PTPRD: variants seen among roughly 807,000 people sequenced by gnomAD.
The protein encoded by PTPRD is protein tyrosine phosphatase receptor type D, also known as receptor-type tyrosine-protein phosphatase delta.
Under a neutral mutation model 214.5 loss-of-function variants are expected in PTPRD, and 34 were observed. The ratio of observed to expected loss-of-function variants is 0.16; its 90% confidence interval spans 0.12 to 0.21. The LOEUF (loss-of-function observed/expected upper bound fraction) is 0.21. Among genes scored for constraint, PTPRD ranks in the 10% least tolerant of loss-of-function variants. The pLI is 1.00. For missense variants in PTPRD, 2,545 were observed against 2,398.7 expected, an observed-to-expected ratio of 1.06 and a Z score of -1.27; for synonymous variants, 1,128 against 845.7, an observed-to-expected ratio of 1.33 and a Z score of -5.79.
chr9:10,316,176 C>CATATATAT (rs1565242638), intron 3 of PTPRD, among the ~76,000 whole-genome samples: 1 of 143,058 alleles, frequency 7.0e-6, no homozygotes, highest in Admixed American at 7.1e-5. Context: ...TGTATATATA[C>CATATATAT]ATAGATATAC....
chr9:9,839,056 T>C (rs1310009155), intron 5 of PTPRD, among the ~76,000 whole-genome samples: 2 of 152,176 alleles, frequency 1.3e-5, no homozygotes, highest in Non-Finnish European at 2.9e-5. Flanking sequence ...TTGTCAGGTT[T>C]GTCAAAGATC....
At chr9:8,343,304 C>T (rs1854309112) in intron 39 of PTPRD, among the ~76,000 whole-genome samples, 1 of 152,006 alleles carries the variant, frequency 6.6e-6, no homozygotes, top group South Asian at 2.1e-4. Flanking sequence ...TTTTTATGTC[C>T]TATGCCAGAG....
intron 7 of PTPRD, among the ~76,000 whole-genome samples, chr9:9,657,469 G>A (rs755961462): frequency 3.3e-5 from 5 of 152,132 alleles, no homozygotes; most frequent in Non-Finnish European, 4.4e-5. Context: ...GGGAGGTGGG[G>A]TGGGATAGCA....
intron 11 of PTPRD, among the ~76,000 whole-genome samples, chr9:8,934,524 T>TAG: frequency 9.3e-6 from 1 of 107,656 alleles, no homozygotes; most frequent in African/African-American, 3.6e-5. Context: ...TATATAAATA[T>TAG]ATATATATAT....
chr9:8,848,690 T>A (rs978013167), intron 11 of PTPRD, among the ~76,000 whole-genome samples: 14 of 152,016 alleles, frequency 9.2e-5, no homozygotes, highest in South Asian at 6.2e-4. Flanking sequence ...ATATTTTTTT[T>A]AAAATCATGT....
At chr9:9,747,532 C>CTT (rs1564945514) in intron 6 of PTPRD, among the ~76,000 whole-genome samples, 1 of 104,578 alleles carries the variant, frequency 9.6e-6, no homozygotes. Flanking sequence ...GTGACTGAAT[C>CTT]TTTTTTGTTT....
At chr9:9,209,638 GA>G (rs2099947247) in intron 9 of PTPRD, among the ~76,000 whole-genome samples, 1 of 152,166 alleles carries the variant, frequency 6.6e-6, no homozygotes, top group South Asian at 2.1e-4. Flanking sequence ...GTTGAAATGA[GA>G]CAGGACTATA....
intron 7 of PTPRD, among the ~76,000 whole-genome samples, chr9:9,601,178 GAGAA>G (rs1210866172): frequency 4.7e-5 from 7 of 149,944 alleles, no homozygotes; most frequent in African/African-American, 7.4e-5. Flanking sequence ...GGGAGAGAGA[GAGAA>G]AGAAAGAGAT....
chr9:10,403,006 T>C (rs527848012), intron 2 of PTPRD, among the ~76,000 whole-genome samples: 1 of 151,490 alleles, frequency 6.6e-6, no homozygotes, highest in South Asian at 2.1e-4. Context: ...CTGAAGAAAC[T>C]GGTAGGTAAC....
At position 10,256,304 on chromosome 9, in the gene PTPRD, G is replaced by T. The variant is rs147788430; in HGVS notation, c.-545+84659C>A. On this transcript the variant is annotated intron_variant, in intron 3 of 45. Transcript: ENST00000381196. ...TCTCCACATCTTGTCCCACTGGAAGGTCTTCGGGGGTAATAACACACATGC... is the reference window on the plus strand; with the variant it reads ...TCTCCACATCTTGTCCCACTGGAAGTTCTTCGGGGGTAATAACACACATGC... Among the ~76,000 whole-genome samples, 175 of 151,592 alleles carry T rather than the reference G, an allele frequency of 1.2e-3. 1 individual carries two copies. Among genetic ancestry groups the T allele is most frequent in the African/African-American group, 3.6e-3 (149 of 41,134 alleles).
intron 3 of PTPRD, among the ~76,000 whole-genome samples, chr9:10,098,536 C>A (rs1286120239): frequency 6.6e-6 from 1 of 151,728 alleles, no homozygotes; most frequent in African/African-American, 2.4e-5. Context: ...AATGCTACTT[C>A]TTTCCTACTT....
chr9:9,421,498 G>A (rs1051608760), intron 8 of PTPRD, among the ~76,000 whole-genome samples: 33 of 152,168 alleles, frequency 2.2e-4, no homozygotes, highest in Admixed American at 1.3e-3. Context: ...TGCCTCACCT[G>A]TGGTACTGCC....
intron 8 of PTPRD, among the ~76,000 whole-genome samples, chr9:9,563,285 G>A (rs2083444740): frequency 6.6e-6 from 1 of 152,080 alleles, no homozygotes; most frequent in South Asian, 2.1e-4. Flanking sequence ...AATTTGCTGG[G>A]TTACTTCATT....
intron 3 of PTPRD, among the ~76,000 whole-genome samples, chr9:10,233,052 C>G (rs146340609): frequency 1.7e-3 from 263 of 152,106 alleles, no homozygotes; most frequent in African/African-American, 5.9e-3. Context: ...ATATGTGAAG[C>G]TCCTTGACTG....
chr9:10,043,845 C>T (rs1047684327), intron 3 of PTPRD, among the ~76,000 whole-genome samples: 1 of 151,750 alleles, frequency 6.6e-6, no homozygotes, highest in African/African-American at 2.4e-5. Context: ...AGATAAATAT[C>T]CAAATTAGTG....
intron 3 of PTPRD, among the ~76,000 whole-genome samples, chr9:10,313,442 T>C (rs976133108): frequency 1.4e-5 from 2 of 139,164 alleles, no homozygotes; most frequent in South Asian, 4.4e-4. Context: ...TCCCTAATAC[T>C]CCTTATTTTG....
At chr9:8,903,988 TATG>T (rs2098690417) in intron 11 of PTPRD, among the ~76,000 whole-genome samples, 2 of 152,210 alleles carry the variant, frequency 1.3e-5, no homozygotes, top group Non-Finnish European at 2.9e-5. Context: ...TGGAATATAT[TATG>T]ATATTATGAT....
intron 11 of PTPRD, among the ~76,000 whole-genome samples, chr9:8,816,605 C>T (rs2154524866): frequency 6.6e-6 from 1 of 152,326 alleles, no homozygotes; most frequent in South Asian, 2.1e-4. Flanking sequence ...ATGTCAAGTT[C>T]TGTTAGCAAA....
intron 8 of PTPRD, chr9:9,414,661 G>A (rs1426052171): frequency 6.6e-6 from 1 of 152,140 alleles, no homozygotes; most frequent in East Asian, 1.9e-4. Flanking sequence ...CAAATTACAT[G>A]GAAGAAAGTT....
Sources: gnomAD v4.1 joint callset for allele counts (sites outside exome capture counted in the v4.1 genomes callset) on GRCh38, gnomAD v4.1.1 for gene constraint, MANE v1.5 for transcripts, NCBI Gene and HGNC (gene_info 2026-07-23, HGNC 2026-07-21) for gene names.